Variants in ULK4 observed in about 807,000 individuals in gnomAD.
ULK4 encodes the protein unc-51 like kinase 4, also known as inactive serine/threonine-protein kinase ULK4.
A neutral mutation model predicts 160.6 loss-of-function variants in ULK4; 133 were observed. That is an observed-to-expected ratio of 0.83 (90% confidence interval 0.72 to 0.96). ULK4 has a LOEUF of 0.96. ULK4 is among the 40% of genes least tolerant of loss of function. ULK4 has a pLI of 0.00. For synonymous variants in ULK4, 534 were observed against 539.8 expected, an observed-to-expected ratio of 0.99 and a Z score of 0.15; for missense variants, 1,580 against 1,499.5, an observed-to-expected ratio of 1.05 and a Z score of -0.89.
chr3:41,665,322 G>A (rs1477195785), intron 29 of ULK4, among the ~76,000 whole-genome samples: 1 of 152,096 alleles, frequency 6.6e-6, no homozygotes, highest in African/African-American at 2.4e-5. Flanking sequence ...ATTGTAAGAA[G>A]TAGGACTTGA....
intron 30 of ULK4, among the ~76,000 whole-genome samples, chr3:41,657,855 A>G (rs1256267705): frequency 6.7e-6 from 1 of 148,990 alleles, no homozygotes; most frequent in Non-Finnish European, 1.5e-5. Context: ...CTGATACCAA[A>G]TAACTGGGGA....
chr3:41,932,888 A>T (rs994573129), intron 4 of ULK4, among the ~76,000 whole-genome samples: 40 of 152,222 alleles, frequency 2.6e-4, no homozygotes, highest in African/African-American at 9.4e-4. Context: ...TACTCAAAAT[A>T]CAAAAATTAG....
intron 31 of ULK4, 62 bp downstream of exon 31, chr3:41,615,607 G>A: frequency 1.9e-6 from 3 of 1,538,666 alleles, no homozygotes; most frequent in African/African-American, 1.4e-5. Flanking sequence ...CCTACAACAT[G>A]GTTAAAATCT....
At chr3:41,738,562 G>T (rs1324936133) in intron 22 of ULK4, among the ~76,000 whole-genome samples, 2 of 151,904 alleles carry the variant, frequency 1.3e-5, no homozygotes, top group African/African-American at 4.9e-5. Context: ...AATATCAGCA[G>T]TGAGTACTTT....
intron 16 of ULK4, among the ~76,000 whole-genome samples, chr3:41,892,753 C>T (rs1698009971): frequency 6.6e-6 from 1 of 152,202 alleles, no homozygotes; most frequent in African/African-American, 2.4e-5. Context: ...ACCAAATCAC[C>T]ATATCTGGAC....
intron 17 of ULK4, chr3:41,882,236 T>C (rs1174496160): frequency 1.0e-5 from 7 of 702,990 alleles, no homozygotes; most frequent in Middle Eastern, 4.6e-4. Flanking sequence ...GAGTGGAGTG[T>C]TGAACAAGAC....
chr3:41,343,256 A>C (rs1453201911), intron 35 of ULK4, among the ~76,000 whole-genome samples: 1 of 146,886 alleles, frequency 6.8e-6, no homozygotes, highest in African/African-American at 2.5e-5. Context: ...AGAAGACATG[A>C]TCCTATATCT....
At position 41,831,531 on chromosome 3, in the gene ULK4, A is replaced by ATATATATATATTTTTTTT; in HGVS notation, c.1764+4332_1764+4333insAAAAAAAATATATATATA. On this transcript the variant is annotated intron_variant, in intron 18 of 36. Coordinates refer to ENST00000301831, the MANE Select transcript of ULK4 (RefSeq NM_017886.4). ...TTATTGTTATTTTATATATATATAT[A>ATATATATATATTTTTTTT]TTTTTTTTTCTTTCTTAAACTTTAG... 2.6e-3 allele frequency among the ~76,000 whole-genome samples: 356 copies of ATATATATATATTTTTTTT among 138,030 alleles called. 4 individuals are homozygous for ATATATATATATTTTTTTT. The East Asian group carries it at 0.035, about 14-fold the overall frequency. 90.6% of individuals were successfully genotyped at this position (138,030 alleles called of 152,430 possible). A position where few individuals can be genotyped will look rare whatever the true frequency, so the allele number is the denominator to read the frequency against.
chr3:41,646,980 C>T lies in ULK4; in HGVS notation c.3071+16627G>A, dbSNP rs371839111. Among the ~76,000 whole-genome samples, 580 of 152,208 alleles carry T rather than the reference C, an allele frequency of 3.8e-3. 3 individuals are homozygous for T. In the East Asian group the frequency reaches 0.044, roughly 12 times the overall value. On this transcript the variant is annotated intron_variant, in intron 30 of 36. Transcript: ENST00000301831. The stretch of plus-strand genomic sequence containing the variant: ...ACTGATACCCTTTCTTCCAGTTGAT[C>T]GCATCGGCTCCTGAGGCTTCTGCAT...
chr3:41,526,546 C>A (rs181057908), intron 32 of ULK4, among the ~76,000 whole-genome samples: 1 of 152,246 alleles, frequency 6.6e-6, no homozygotes, highest in African/African-American at 2.4e-5. Context: ...CAGCACTCAA[C>A]TTCCCCTGGC....
rs138327504 is a variant in ULK4 at position 41,290,775 on chromosome 3, T to G, written c.3679-41201A>C. 3.3e-3 allele frequency among the ~76,000 whole-genome samples: 503 copies of G among 152,332 alleles called. 3 individuals are homozygous for G. The highest frequency in any genetic ancestry group is 0.011 in the African/African-American group (473 of 41,570). On this transcript the variant is annotated intron_variant, in intron 35 of 36. Coordinates refer to ENST00000301831, the MANE Select transcript of ULK4 (RefSeq NM_017886.4). ...GTATGCTCATAAGCTGAAGATCATC[T>G]CTTGATACTCAGGACTGTTCTCACC...
chr3:41,658,603 C>T (rs893641081), intron 30 of ULK4, among the ~76,000 whole-genome samples: 4 of 151,972 alleles, frequency 2.6e-5, no homozygotes, highest in African/African-American at 4.8e-5. Flanking sequence ...TAAAATGCAA[C>T]GCTATGTATC....
chr3:41,321,137 C>T (rs1021570065), intron 35 of ULK4, among the ~76,000 whole-genome samples: 5 of 151,950 alleles, frequency 3.3e-5, no homozygotes, highest in African/African-American at 1.2e-4. Context: ...CAAGATCTCA[C>T]ATTTCTATTA....
intron 21 of ULK4, among the ~76,000 whole-genome samples, chr3:41,781,079 A>G (rs576916724): frequency 6.6e-6 from 1 of 152,286 alleles, no homozygotes; most frequent in East Asian, 1.9e-4. Context: ...ATAAAAATAT[A>G]TTTTTCTCTA....
intron 31 of ULK4, among the ~76,000 whole-genome samples, chr3:41,598,799 T>C (rs920320936): frequency 2.0e-5 from 3 of 152,242 alleles, no homozygotes; most frequent in Admixed American, 6.5e-5. Context: ...AGTGGTATTA[T>C]GTAAGTGTAT....
At position 41,962,039 on chromosome 3, in the gene ULK4, G is replaced by A. The variant is rs960647811; in HGVS notation, c.-72C>T. Reference sequence around the variant, plus strand: ...ACCTGGTAGCTAAGTCAAGAAAAGAGTCCAGTCCACTTGGCTGCTCCCGCG... The same window carrying A: ...ACCTGGTAGCTAAGTCAAGAAAAGAATCCAGTCCACTTGGCTGCTCCCGCG... On this transcript the variant is annotated 5_prime_UTR_variant, in exon 1 of 37. Transcript: ENST00000301831. The A allele has an allele frequency of 2.6e-5, 4 of 152,644 alleles. No homozygotes were observed. Among genetic ancestry groups the A allele is most frequent in the African/African-American group, 7.2e-5 (3 of 41,486 alleles). 9.5% of individuals were successfully genotyped at this position (152,644 alleles called of 1,614,324 possible).
chr3:41,602,381 G>A (rs1290779431), intron 31 of ULK4, among the ~76,000 whole-genome samples: 1 of 150,546 alleles, frequency 6.6e-6, no homozygotes, highest in Admixed American at 6.7e-5. Flanking sequence ...AAAAAGGAAG[G>A]GAAGGAGAAT....
chr3:41,692,338 G>A (rs1206882721), intron 27 of ULK4, among the ~76,000 whole-genome samples: 1 of 152,040 alleles, frequency 6.6e-6, no homozygotes, highest in East Asian at 1.9e-4. Flanking sequence ...AAACCTTTGA[G>A]TGGGCATGGC....
chr3:41,431,547 C>CATTTTTTTTT (rs563543377), intron 34 of ULK4, among the ~76,000 whole-genome samples: 1,467 of 95,804 alleles, frequency 0.015, 98 homozygotes, highest in African/African-American at 0.057. Flanking sequence ...AATTCCCTCC[C>CATTTTTTTTT]TTTTTTTTTT....
Sources: gnomAD v4.1 joint callset for allele counts (sites outside exome capture counted in the v4.1 genomes callset) on GRCh38, gnomAD v4.1.1 for gene constraint, MANE v1.5 for transcripts, NCBI Gene and HGNC (gene_info 2026-07-23, HGNC 2026-07-21) for gene names.